IL34: variants seen among roughly 807,000 people sequenced by gnomAD.
IL34 encodes the protein interleukin-34.
A neutral mutation model predicts 25.3 loss-of-function variants in IL34; 17 were observed. The observed-to-expected ratio is 0.67, with a 90% CI of 0.46 to 1.01. The LOEUF is 1.01. Among genes scored for constraint, IL34 ranks in the 50% least tolerant of loss-of-function variants. IL34 has a pLI of 0.00. For missense variants in IL34, 368 were observed against 312.9 expected (o/e 1.18, Z -1.33); for synonymous variants, 174 against 140.9 (o/e 1.23, Z -1.66).
chr16:70,659,696 C>T lies in IL34; in HGVS notation c.481C>T (p.Pro161Ser). 1 of 1,612,174 alleles carries T rather than the reference C, an allele frequency of 6.2e-7. No homozygotes were observed. Among genetic ancestry groups the T allele is most frequent in the Non-Finnish European group, 8.5e-7 (1 of 1,179,228 alleles). The change falls in exon 5 of 6, where the codon CCC (proline) becomes TCC (serine). Residue 161 changes from proline to serine, a missense_variant. By Grantham distance (74) the Pro-to-Ser change is moderately conservative. Coordinates refer to ENST00000288098, the MANE Select transcript of IL34 (RefSeq NM_001393494.1). ...APGPNLKLVR[P>S]KALLDNCFRV... ...AGGGCCAAACCTGAAGCTGGTGCGG[C>T]CCAAAGCCCTGCTGGACAACTGCTT... is the stretch of plus-strand genomic sequence containing the variant.
intron 1 of IL34, among the ~76,000 whole-genome samples, chr16:70,653,106 T>C (rs1373063958): frequency 1.3e-5 from 2 of 152,120 alleles, no homozygotes; most frequent in African/African-American, 4.8e-5. Context: ...CTTGGGAGGC[T>C]GAGGCCTGAG....
intron 1 of IL34, among the ~76,000 whole-genome samples, chr16:70,634,914 A>AGTTT (rs10656695): frequency 0.56 from 85,646 of 151,688 alleles, 27,461 homozygotes; most frequent in African/African-American, 0.89. Flanking sequence ...ACAGATCAGC[A>AGTTT]GTTCCTTTTA....
At chr16:70,625,013 G>A (rs2151842251) in intron 1 of IL34, among the ~76,000 whole-genome samples, 1 of 152,220 alleles carries the variant, frequency 6.6e-6, no homozygotes, top group South Asian at 2.1e-4. Context: ...AGGCACCTCA[G>A]ACCATTTGTC....
At chr16:70,631,477 TG>T (rs1389372660) in intron 1 of IL34, among the ~76,000 whole-genome samples, 8 of 152,208 alleles carry the variant, frequency 5.3e-5, no homozygotes, top group African/African-American at 1.7e-4. Context: ...ACATATTAAA[TG>T]TTTTTTTAAT....
At chr16:70,584,828 G>A (rs2050673244) in intron 1 of IL34, among the ~76,000 whole-genome samples, 1 of 152,028 alleles carries the variant, frequency 6.6e-6, no homozygotes, top group Non-Finnish European at 1.5e-5. Context: ...AGCCTCTGGA[G>A]TGGCTGGGAT....
upstream of IL34, among the ~76,000 whole-genome samples, chr16:70,643,289 C>T (rs1298712459): frequency 6.6e-5 from 10 of 152,164 alleles, no homozygotes; most frequent in African/African-American, 2.4e-4. Flanking sequence ...GTCTCGAATC[C>T]CTGACCTCAG....
rs148560402 is a variant in IL34 at position 70,616,076 on chromosome 16, C to T, written c.-400-30472C>T. Among the ~76,000 whole-genome samples, 7 of 152,340 alleles carry T rather than the reference C, an allele frequency of 4.6e-5. No individual in the cohort carries two copies. In the East Asian group the frequency reaches 1.3e-3, roughly 29 times the overall value. On this transcript the variant is annotated intron_variant, in intron 1 of 6. Transcript: ENST00000429149. ...ACCATTCAGTGTCTTGCTTGTTTTA[C>T]TGAATCTATCATGCTATACTACTGT...
chr16:70,643,620 C>A (rs985937528), upstream of IL34, among the ~76,000 whole-genome samples: 1 of 152,210 alleles, frequency 6.6e-6, no homozygotes, highest in Non-Finnish European at 1.5e-5. Flanking sequence ...AGCGATCCCC[C>A]GGCCTTGGCC....
At chr16:70,614,316 C>T (rs1306763801) in intron 1 of IL34, among the ~76,000 whole-genome samples, 1 of 152,138 alleles carries the variant, frequency 6.6e-6, no homozygotes, top group African/African-American at 2.4e-5. Context: ...GAGCAGACTC[C>T]TCAAATGTGG....
chr16:70,651,197 G>A (rs1313787805), intron 1 of IL34, among the ~76,000 whole-genome samples: 1 of 152,080 alleles, frequency 6.6e-6, no homozygotes, highest in African/African-American at 2.4e-5. Context: ...GGAGAGAAGA[G>A]TCTCTGGGAG....
chr16:70,656,978 G>C lies in IL34; in HGVS notation c.259G>C (p.Glu87Gln), dbSNP rs760301983. 6 of 1,609,914 alleles carry C rather than the reference G, an allele frequency of 3.7e-6. No individual in the cohort carries two copies. In the Admixed American group the frequency reaches 8.4e-5, roughly 22 times the overall value. Residue 87 changes from glutamate (E) to glutamine (Q), a missense_variant, in exon 4 of 6, where the codon GAG (glutamate) becomes CAG (glutamine). Physicochemically the swap from Glu to Gln is conservative, Grantham distance 29. Coordinates refer to ENST00000288098, the MANE Select transcript of IL34 (RefSeq NM_001393494.1). The part of the protein sequence containing the change: ...VTRLQRAQVS[E>Q]RELRYLWVLV... The stretch of plus-strand genomic sequence containing the variant: ...TCCGCAGCAGAGGGCCCAGGTGAGC[G>C]AGCGGGAGCTGCGGTATCTGTGGGT...
chr16:70,593,120 C>T (rs930351611), intron 1 of IL34, among the ~76,000 whole-genome samples: 3 of 152,144 alleles, frequency 2.0e-5, no homozygotes, highest in African/African-American at 7.2e-5. Context: ...AGCTACTGCG[C>T]CTGGCCCTAT....
At chr16:70,652,890 G>T (rs145442504) in intron 1 of IL34, among the ~76,000 whole-genome samples, 1,605 of 152,284 alleles carry the variant, frequency 0.011, 12 homozygotes, top group African/African-American at 0.029. Flanking sequence ...ACATCAAGTA[G>T]TAATTGTTAA....
intron 1 of IL34, among the ~76,000 whole-genome samples, chr16:70,605,846 G>C (rs556785301): frequency 6.6e-6 from 1 of 151,190 alleles, no homozygotes; most frequent in African/African-American, 2.4e-5. Flanking sequence ...AATTTTTTGT[G>C]TTTTTAGTAG....
intron 4 of IL34, among the ~76,000 whole-genome samples, chr16:70,658,468 C>A (rs2052291759): frequency 6.6e-6 from 1 of 150,598 alleles, no homozygotes; most frequent in African/African-American, 2.5e-5. Flanking sequence ...TTACATCCTG[C>A]CTGGCCTCTG....
chr16:70,658,543 G>A (rs2052294034), intron 4 of IL34, among the ~76,000 whole-genome samples: 1 of 151,724 alleles, frequency 6.6e-6, no homozygotes, highest in African/African-American at 2.4e-5. Flanking sequence ...TTGCAGTGGG[G>A]CAATCTTGGC....
Position 70,619,798 on chromosome 16 carries a change from G to A in IL34, c.-400-26750G>A, listed in dbSNP as rs536604600. On this transcript the variant is annotated intron_variant, in intron 1 of 6. Transcript: ENST00000429149. The stretch of plus-strand genomic sequence containing the variant: ...CTTGGGCCAGAGTTCCAGGGGCTCT[G>A]GGAGTGGCTGCCAGGTGAGTTGAAC... 1.2e-4 allele frequency among the ~76,000 whole-genome samples: 19 copies of A among 152,160 alleles called. No individual in the cohort carries two copies. The South Asian group carries it at 3.9e-3, about 32-fold the overall frequency.
upstream of IL34, among the ~76,000 whole-genome samples, chr16:70,645,373 G>T (rs567290748): frequency 2.0e-5 from 3 of 152,264 alleles, no homozygotes; most frequent in East Asian, 5.8e-4. Flanking sequence ...TGAAGAAGAT[G>T]CCCAAGTCAT....
At chr16:70,638,453 A>G (rs2051706490) in intron 1 of IL34, among the ~76,000 whole-genome samples, 1 of 152,060 alleles carries the variant, frequency 6.6e-6, no homozygotes. Flanking sequence ...AAATAAAGAA[A>G]AAAGAAAAAA....
Sources: allele counts gnomAD v4.1 joint callset (sites outside exome capture counted in the v4.1 genomes callset), GRCh38; gene constraint gnomAD v4.1.1; transcripts MANE v1.5; gene names NCBI Gene and HGNC (gene_info 2026-07-23, HGNC 2026-07-21).